Variants in GCAT observed in about 807,000 individuals in gnomAD.
GCAT encodes 2-amino-3-ketobutyrate coenzyme A ligase, mitochondrial.
In GCAT, 26 loss-of-function variants were observed where a neutral mutation model predicts 39.7. The observed-to-expected ratio is 0.65, with a 90% CI of 0.48 to 0.91. The LOEUF is 0.91. Among genes scored for constraint, GCAT ranks in the 40% least tolerant of loss-of-function variants. The probability of loss-of-function intolerance (pLI) is 0.00; values close to 1 mark genes in which losing one functional copy is unlikely to be tolerated. For missense variants in GCAT, 550 were observed against 576.2 expected (o/e 0.95, Z 0.47); for synonymous variants, 218 against 237.2 (o/e 0.92, Z 0.74).
In GCAT at chr22:37,816,355, G is replaced by T. The variant is rs761773981; in HGVS notation, c.1108+34G>T. The T allele has an allele frequency of 6.9e-6, 11 of 1,603,386 alleles. No individual in the cohort carries two copies. In the Admixed American group the frequency reaches 1.5e-4, roughly 22 times the overall value. On this transcript the variant is annotated intron_variant, in intron 8 of 8. Transcript: ENST00000248924. ...GCTGAGACAAGGGAACTGGTGGTGG[G>T]TCCTGAGAGAAGAGAAAGGGAAACC...
rs375977973 is a variant in GCAT, at chr22:37,815,838, C to A, written c.986+4C>A. Reference sequence around the variant, plus strand: ...CTATGGCTGCCAAGACCCAGAGGTGCGACTCCCAGCAGGGCAGGCTCGGGG... The same window carrying A: ...CTATGGCTGCCAAGACCCAGAGGTGAGACTCCCAGCAGGGCAGGCTCGGGG... On this transcript the variant is annotated splice_donor_region_variant and intron_variant, in intron 7 of 8. Coordinates refer to ENST00000248924, the MANE Select transcript of GCAT (RefSeq NM_014291.4). 5.6e-5 allele frequency: 91 copies of A among 1,613,388 alleles called. No homozygotes were observed. The highest frequency in any genetic ancestry group is 7.3e-5 in the Non-Finnish European group (86 of 1,179,750).
chr22:37,810,117 G>A lies in GCAT; in HGVS notation c.287G>A (p.Gly96Glu). ...GGTCTGCAGGCTCTGGAGGAGTTTG[G>A]AGCTGGCCTCAGCTCTGTCCGCTTT... ...QAGLQALEEF[G>E]AGLSSVRFIC... Residue 96 changes from glycine to glutamate, a missense_variant, in exon 2 of 9, where the codon GGA becomes GAA. This residue lies in a region of GCAT where 154 missense variants were observed against 141.9 expected (regional missense o/e 1.08). Transcript: ENST00000248924. 6.2e-7 allele frequency: 1 copy of A among 1,614,194 alleles called. No homozygotes were observed. Among genetic ancestry groups the A allele is most frequent in the Non-Finnish European group, 8.5e-7 (1 of 1,179,998 alleles).
Position 37,816,215 on chromosome 22 carries a change from G to T in GCAT, c.1002G>T (p.Met334Ile), listed in dbSNP as rs1922174966. The T allele has an allele frequency of 1.2e-6, 2 of 1,613,322 alleles. No individual in the cohort carries two copies. The highest frequency in any genetic ancestry group is 1.1e-5 in the South Asian group (1 of 91,070). The change falls in exon 8 of 9, where the codon ATG (methionine) becomes ATT (isoleucine). Residue 334 changes from methionine (M) to isoleucine (I), a missense_variant. Physicochemically the swap from Met to Ile is conservative, Grantham distance 10. Around this residue, in one of 3 missense-constraint regions of GCAT, gnomAD observed 378 missense variants for 390.4 expected, o/e 0.97. Coordinates refer to ENST00000248924, the MANE Select transcript of GCAT (RefSeq NM_014291.4). ...GTGCCCACAGGTTCCGTAGTAAGAT[G>T]GAAGCTGCTGGCTTCACTATCTCGG... ...AAKTQRFRSK[M>I]EAAGFTISGA...
Position 37,810,173 on chromosome 22 carries a change from T to TG in GCAT, c.327+22dup. The TG allele has an allele frequency of 1.3e-6, 2 of 1,561,846 alleles. No homozygotes were observed. Among genetic ancestry groups the TG allele is most frequent in the Middle Eastern group, 1.7e-4 (1 of 5,978 alleles). ...TGGAACCCAGGTACACAGTGAGTGGTGGGGGGTTGTGGGGACTGACCCCAG... is the reference window on the plus strand; with the variant it reads ...TGGAACCCAGGTACACAGTGAGTGGTGGGGGGGTTGTGGGGACTGACCCCAG... On this transcript the variant is annotated intron_variant, in intron 2 of 8. Transcript: ENST00000248924.
At chr22:37,811,897 T>C (rs905832922) in intron 2 of GCAT, among the ~76,000 whole-genome samples, 1 of 128,882 alleles carries the variant, frequency 7.8e-6, no homozygotes, top group Non-Finnish European at 1.7e-5. Context: ...AAAAAGAACA[T>C]TACAAGTATT....
intron 1 of GCAT, among the ~76,000 whole-genome samples, chr22:37,808,514 A>G (rs1055773987): frequency 6.8e-6 from 1 of 147,416 alleles, no homozygotes; most frequent in Admixed American, 6.7e-5. Context: ...TGGCTTGCCC[A>G]AAAGCCCCCA....
At chr22:37,816,458 CA>C (rs1922211038) in intron 8 of GCAT, 108 bp from the exon 9 acceptor site, 2 of 1,531,782 alleles carry the variant, frequency 1.3e-6, no homozygotes, top group Non-Finnish European at 1.8e-6. Context: ...TTGAACACCC[CA>C]AGCCATGAGG....
intron 7 of GCAT, 43 bp from the exon 8 acceptor site, chr22:37,816,157 G>C: frequency 6.2e-7 from 1 of 1,601,008 alleles, no homozygotes; most frequent in Non-Finnish European, 8.5e-7. Flanking sequence ...GGGTGTGAAT[G>C]CTCCACGGCC....
At chr22:37,808,519 C>T (rs1921222888) in intron 1 of GCAT, among the ~76,000 whole-genome samples, 2 of 147,392 alleles carry the variant, frequency 1.4e-5, no homozygotes, top group Admixed American at 6.7e-5. Flanking sequence ...TGCCCAAAAG[C>T]CCCCAGCTAG....
chr22:37,816,434 C>T, intron 8 of GCAT, 113 bp downstream of exon 8: 3 of 1,526,372 alleles, frequency 2.0e-6, no homozygotes, highest in Non-Finnish European at 2.7e-6. Flanking sequence ...CTTAGGCCAG[C>T]TGTCTGTCTA....
At chr22:37,813,273 C>A in intron 3 of GCAT, 190 bp from the exon 4 acceptor site, 1 of 725,348 alleles carries the variant, frequency 1.4e-6, no homozygotes, top group South Asian at 1.5e-5. Flanking sequence ...CCTCCTCTTA[C>A]TAGAGCAGGG....
In GCAT at chr22:37,813,567, C is replaced by T. The variant is rs781067171; in HGVS notation, c.534C>T (p.His178=). 60 of 1,613,300 alleles carry T rather than the reference C, an allele frequency of 3.7e-5. 1 individual carries two copies. The East Asian group carries it at 1.3e-3, about 36-fold the overall frequency. The part of the protein sequence containing the change: ...LCKAHKYRYR[H]LDMADLEAKL... ...AGGCCCACAAGTACCGCTATCGCCA[C>T]CTGGACATGGCCGACCTAGAAGCCA... Residue 178 remains histidine (H), a synonymous_variant, in exon 4 of 9, where the codon CAC becomes CAT. Coordinates refer to ENST00000248924, the MANE Select transcript of GCAT (RefSeq NM_014291.4).
chr22:37,815,480 A>G lies in GCAT; in HGVS notation c.794A>G (p.Lys265Arg). The G allele has an allele frequency of 1.2e-6, 2 of 1,608,818 alleles. No homozygotes were observed. The highest frequency in any genetic ancestry group is 1.7e-6 in the Non-Finnish European group (2 of 1,178,016). Residue 265 changes from lysine (K) to arginine (R), a missense_variant, in exon 6 of 9, where the codon AAG (lysine) becomes AGG (arginine). Coordinates refer to ENST00000248924, the MANE Select transcript of GCAT (RefSeq NM_014291.4). ...QVTIINSTLG[K>R]ALGGASGGYT... ...ACCATCATCAACTCCACCCTGGGGA[A>G]GGCCCTGGGTGGAGCATCAGGTACC...
In GCAT at chr22:37,811,490, A is replaced by C. The variant is rs561080151; in HGVS notation, c.327+1333A>C. ...AGTGAGACTCTGTCTCAAAAAAAAA[A>C]AAAAAAAAAAAAAGCATAGAACAGC... On this transcript the variant is annotated intron_variant, in intron 2 of 8. Coordinates refer to ENST00000248924, the MANE Select transcript of GCAT (RefSeq NM_014291.4). Among the ~76,000 whole-genome samples the C allele has an allele frequency of 1.8e-4, 27 of 151,440 alleles. No individual in the cohort carries two copies. In the East Asian group the frequency reaches 5.0e-3, roughly 28 times the overall value.
In GCAT at chr22:37,813,610, G is replaced by C. The variant is rs140167531; in HGVS notation, c.576+1G>C. On this transcript the variant is annotated splice_donor_variant, in intron 4 of 8. Coordinates refer to ENST00000248924, the MANE Select transcript of GCAT (RefSeq NM_014291.4). LOFTEE classifies it high-confidence loss of function. ...AGAAGCCAAGCTGCAGGAGGCCCAGGTGGGGCGACGCCTGGGTCCACCCTC... is the reference window on the plus strand; with the variant it reads ...AGAAGCCAAGCTGCAGGAGGCCCAGCTGGGGCGACGCCTGGGTCCACCCTC... 1 of 1,601,912 alleles carries C rather than the reference G, an allele frequency of 6.2e-7. No homozygotes were observed. The highest frequency in any genetic ancestry group is 2.2e-5 in the East Asian group (1 of 44,786).
chr22:37,811,551 T>G (rs1464125960), intron 2 of GCAT, among the ~76,000 whole-genome samples: 1 of 151,496 alleles, frequency 6.6e-6, no homozygotes, highest in African/African-American at 2.4e-5. Flanking sequence ...TGTTGGCTAT[T>G]ATTTATTTTC....
chr22:37,812,836 G>C (rs1304229905), intron 2 of GCAT, 51 bp from the exon 3 acceptor site: 1 of 1,278,944 alleles, frequency 7.8e-7, no homozygotes, highest in African/African-American at 1.5e-5. Context: ...CCTCGAACTT[G>C]TCCCACATGA....
rs1161857153 is a variant in GCAT at position 37,807,952 on chromosome 22, G to A, written c.-16G>A. 3 of 1,478,010 alleles carry A rather than the reference G, an allele frequency of 2.0e-6. No individual in the cohort carries two copies. Among genetic ancestry groups the A allele is most frequent in the Non-Finnish European group, 2.7e-6 (3 of 1,121,168 alleles). The allele number at this position is 1,478,010 out of a possible 1,614,324, so 91.6% of individuals were successfully genotyped here. On this transcript the variant is annotated 5_prime_UTR_variant, in exon 1 of 9. Coordinates refer to ENST00000248924, the MANE Select transcript of GCAT (RefSeq NM_014291.4). ...GGCTCCCAGGCAGGCAGGCGCGCTC[G>A]GGCGAGGTAGGAGCGATGTGGCCTG...
At chr22:37,815,097 C>G in intron 4 of GCAT, 29 bp from the exon 5 acceptor site, 2 of 1,609,532 alleles carry the variant, frequency 1.2e-6, no homozygotes, top group Non-Finnish European at 1.7e-6. Context: ...CTTGACACCA[C>G]CCACCATCTG....
Sources: allele counts gnomAD v4.1 joint callset (sites outside exome capture counted in the v4.1 genomes callset), GRCh38; gene constraint gnomAD v4.1.1; regional missense constraint gnomAD v4.1.1; transcripts MANE v1.5; gene names NCBI Gene and HGNC (gene_info 2026-07-23, HGNC 2026-07-21).